DLGAP2: variants seen among roughly 807,000 people sequenced by gnomAD.
DLGAP2 encodes the protein DLG associated protein 2.
In DLGAP2, 26 loss-of-function variants were observed where a neutral mutation model predicts 100.3. The ratio of observed to expected loss-of-function variants is 0.26; its 90% CI spans 0.19 to 0.36. The LOEUF (loss-of-function observed/expected upper bound fraction) is 0.36. Ranked by LOEUF, DLGAP2 falls within the 10% of genes least tolerant of loss-of-function variation. The pLI is 1.00. For missense variants in DLGAP2, 1,858 were observed against 1,453.2 expected (o/e 1.28, Z -4.53); for synonymous variants, 886 against 630.1 (o/e 1.41, Z -6.08).
intron 3 of DLGAP2, among the ~76,000 whole-genome samples, chr8:1,388,904 G>A (rs1382327442): frequency 2.5e-4 from 33 of 134,324 alleles, no homozygotes; most frequent in Non-Finnish European, 4.2e-4. Flanking sequence ...AGGGCTGTGA[G>A]AGGCAGATGC....
chr8:1,478,483 C>G (rs1563172809), intron 3 of DLGAP2, among the ~76,000 whole-genome samples: 1 of 152,236 alleles, frequency 6.6e-6, no homozygotes, highest in Non-Finnish European at 1.5e-5. Flanking sequence ...ATCCGTGATT[C>G]TGGCCACTCT....
In DLGAP2 at chr8:1,325,136, C is replaced by G. The variant is rs115580970; in HGVS notation, c.106+66253C>G. ...TCTTCCAGTCTTAGTTTAAAACTCA[C>G]CTCTGCAGGGTCACTTTCCCCCAGT... On this transcript the variant is annotated intron_variant, in intron 3 of 14. Transcript: ENST00000637795. 1.7e-3 allele frequency among the ~76,000 whole-genome samples: 258 copies of G among 152,304 alleles called. 2 individuals are homozygous for G. The highest frequency in any genetic ancestry group is 6.8e-3 in the Middle Eastern group (2 of 294).
At chr8:923,082 G>A (rs1190667956) in intron 2 of DLGAP2, among the ~76,000 whole-genome samples, 2 of 152,030 alleles carry the variant, frequency 1.3e-5, no homozygotes, top group East Asian at 1.9e-4. Context: ...ACCCCGGGTG[G>A]GTGTTCCCTG....
intron 3 of DLGAP2, among the ~76,000 whole-genome samples, chr8:1,489,303 C>T (rs1012014523): frequency 8.5e-5 from 13 of 152,192 alleles, no homozygotes; most frequent in African/African-American, 3.1e-4. Context: ...CTGTGAGTCT[C>T]CTGCAAGAGG....
At chr8:885,331 A>G (rs1209442537) in intron 1 of DLGAP2, among the ~76,000 whole-genome samples, 1 of 152,122 alleles carries the variant, frequency 6.6e-6, no homozygotes, top group Non-Finnish European at 1.5e-5. Flanking sequence ...CTCCTTGAAG[A>G]GGTCCTTCAC....
chr8:1,065,564 G>A (rs1483490758), intron 2 of DLGAP2, among the ~76,000 whole-genome samples: 7 of 152,168 alleles, frequency 4.6e-5, no homozygotes, highest in Non-Finnish European at 1.0e-4. Flanking sequence ...TGTAAAATGT[G>A]GCTCTGTGCC....
intron 8 of DLGAP2, among the ~76,000 whole-genome samples, chr8:1,633,558 T>C (rs1028387628): frequency 6.6e-6 from 1 of 152,184 alleles, no homozygotes; most frequent in African/African-American, 2.4e-5. Context: ...CGCAATTTCC[T>C]TTAGTTCTCA....
chr8:1,260,806 G>C (rs1406626285), intron 3 of DLGAP2, among the ~76,000 whole-genome samples: 1 of 152,210 alleles, frequency 6.6e-6, no homozygotes, highest in African/African-American at 2.4e-5. Flanking sequence ...AGGCTGACTT[G>C]AGGCGACTGT....
chr8:1,446,874 C>T (rs576295065), intron 3 of DLGAP2, among the ~76,000 whole-genome samples: 67 of 152,286 alleles, frequency 4.4e-4, no homozygotes, highest in African/African-American at 1.6e-3. Context: ...GGAGTTCACT[C>T]ATGATTTGGC....
chr8:1,574,845 T>C (rs923199342), intron 6 of DLGAP2, among the ~76,000 whole-genome samples: 2 of 152,224 alleles, frequency 1.3e-5, no homozygotes, highest in African/African-American at 4.8e-5. Flanking sequence ...CATCTCACTC[T>C]GCATAAATAT....
At chr8:1,280,080 T>G (rs559642698) in intron 3 of DLGAP2, among the ~76,000 whole-genome samples, 1 of 152,332 alleles carries the variant, frequency 6.6e-6, no homozygotes, top group Admixed American at 6.5e-5. Flanking sequence ...AGTTTTGAGC[T>G]TTGTGGTATG....
chr8:1,607,706 G>GGC (rs1484487460), intron 6 of DLGAP2, among the ~76,000 whole-genome samples: 1 of 152,236 alleles, frequency 6.6e-6, no homozygotes, highest in Non-Finnish European at 1.5e-5. Context: ...GCCGAAGCAG[G>GGC]GCGAGGCATT....
intron 2 of DLGAP2, among the ~76,000 whole-genome samples, chr8:1,110,528 G>T (rs1374253733): frequency 6.7e-6 from 1 of 149,848 alleles, no homozygotes; most frequent in Non-Finnish European, 1.5e-5. Flanking sequence ...TGCTGGGTCT[G>T]TGAGGTGTGC....
intron 1 of DLGAP2, among the ~76,000 whole-genome samples, chr8:851,036 A>T (rs971109793): frequency 6.6e-6 from 1 of 152,210 alleles, no homozygotes; most frequent in Non-Finnish European, 1.5e-5. Context: ...CACTGTCCAG[A>T]TGGAGTTCTC....
chr8:1,292,579 T>C (rs1309001567), intron 3 of DLGAP2, among the ~76,000 whole-genome samples: 4 of 152,234 alleles, frequency 2.6e-5, no homozygotes, highest in Non-Finnish European at 4.4e-5. Flanking sequence ...AATTTTATTT[T>C]AAATTCTCCC....
chr8:1,561,567 G>T (rs148711488), intron 5 of DLGAP2, among the ~76,000 whole-genome samples: 4 of 152,168 alleles, frequency 2.6e-5, no homozygotes, highest in South Asian at 2.1e-4. Context: ...TCTAGTGTGC[G>T]TGGTGCTAGG....
chr8:1,608,861 G>T (rs368477080), intron 6 of DLGAP2, among the ~76,000 whole-genome samples: 1 of 150,724 alleles, frequency 6.6e-6, no homozygotes, highest in African/African-American at 2.4e-5. Flanking sequence ...AAAGAAATGA[G>T]CAAAGCCTCC....
At chr8:896,971 C>G (rs1435845402) in intron 1 of DLGAP2, among the ~76,000 whole-genome samples, 4 of 152,258 alleles carry the variant, frequency 2.6e-5, no homozygotes, top group African/African-American at 9.6e-5. Context: ...GAAGTCGCCC[C>G]AAGTTTTACA....
chr8:1,255,239 G>T (rs1169165603), intron 2 of DLGAP2, among the ~76,000 whole-genome samples: 1 of 82,510 alleles, frequency 1.2e-5, no homozygotes, highest in Non-Finnish European at 2.1e-5. Context: ...CTGTGTGTGT[G>T]CCCTCTCATC....
Sources: allele counts gnomAD v4.1 joint callset (sites outside exome capture counted in the v4.1 genomes callset), GRCh38; gene constraint gnomAD v4.1.1; transcripts MANE v1.5; gene names NCBI Gene and HGNC (gene_info 2026-07-23, HGNC 2026-07-21).